The following DLGAP2 variants were observed in gnomAD, a reference collection of about 807,000 sequenced individuals.
The protein encoded by DLGAP2 is DLG associated protein 2.
Under a neutral mutation model 100.3 loss-of-function variants are expected in DLGAP2, and 26 were observed. The observed-to-expected ratio is 0.26, with a 90% CI of 0.19 to 0.36. The LOEUF (loss-of-function observed/expected upper bound fraction) is 0.36, where lower values mean the gene tolerates loss of function less well. Among genes scored for constraint, DLGAP2 ranks in the 10% least tolerant of loss-of-function variants. The pLI is 1.00. For missense variants in DLGAP2, 1,858 were observed against 1,453.2 expected, an observed-to-expected ratio of 1.28 and a Z score of -4.53; for synonymous variants, 886 against 630.1, an observed-to-expected ratio of 1.41 and a Z score of -6.08.
chr8:1,370,422 C>G (rs1283526432), intron 3 of DLGAP2, among the ~76,000 whole-genome samples: 1 of 152,158 alleles, frequency 6.6e-6, no homozygotes, highest in Non-Finnish European at 1.5e-5. Context: ...ACCATTCATG[C>G]TTTCAAAATA....
At chr8:1,087,765 C>T (rs185803871) in intron 2 of DLGAP2, among the ~76,000 whole-genome samples, 4 of 152,340 alleles carry the variant, frequency 2.6e-5, no homozygotes, top group Admixed American at 2.0e-4. Flanking sequence ...TCACTAACAA[C>T]CCATGTCAAA....
chr8:1,238,270 G>T (rs1467195506), intron 2 of DLGAP2, among the ~76,000 whole-genome samples: 1 of 40,906 alleles, frequency 2.4e-5, no homozygotes, highest in Non-Finnish European at 4.6e-5. Flanking sequence ...ACATGGTACC[G>T]TGTCTAGTTC....
intron 2 of DLGAP2, among the ~76,000 whole-genome samples, chr8:1,098,125 A>G (rs1304017110): frequency 6.6e-6 from 1 of 152,262 alleles, no homozygotes; most frequent in Non-Finnish European, 1.5e-5. Flanking sequence ...TGGCGGCGCC[A>G]CTGGACACAC....
chr8:1,274,083 A>G (rs1402981399), intron 3 of DLGAP2, among the ~76,000 whole-genome samples: 1 of 152,202 alleles, frequency 6.6e-6, no homozygotes, highest in Non-Finnish European at 1.5e-5. Context: ...GGCTCTGTTC[A>G]GCATATCGGA....
At chr8:1,330,843 A>C (rs1339535632) in intron 3 of DLGAP2, among the ~76,000 whole-genome samples, 29 of 105,074 alleles carry the variant, frequency 2.8e-4, no homozygotes, top group African/African-American at 6.3e-4. Context: ...GTGGGAGCAC[A>C]GCTTCACAGG....
At chr8:1,671,035 A>G (rs59266746) in intron 10 of DLGAP2, among the ~76,000 whole-genome samples, 27,415 of 152,166 alleles carry the variant, frequency 0.18, 2,589 homozygotes, top group South Asian at 0.32. Flanking sequence ...AATCCTTACA[A>G]TAACCCTGTG....
rs570231114 is a variant in DLGAP2 at position 1,633,462 on chromosome 8, A to C, written c.1810+416A>C. On this transcript the variant is annotated intron_variant, in intron 8 of 14. Coordinates refer to ENST00000637795, the MANE Select transcript of DLGAP2 (RefSeq NM_001346810.2). ...AGCCGGTCTCTTGCTCAGTAAGCAG[A>C]TCTGTAAACATGACTCACCGCCGCT... 5.0e-4 allele frequency among the ~76,000 whole-genome samples: 76 copies of C among 152,278 alleles called. 2 individuals are homozygous for C. The highest frequency in any genetic ancestry group is 2.0e-4 in the Admixed American group (3 of 15,296).
At chr8:1,504,278 A>G (rs577971150) in intron 4 of DLGAP2, among the ~76,000 whole-genome samples, 222 of 152,136 alleles carry the variant, frequency 1.5e-3, no homozygotes, top group Non-Finnish European at 2.9e-3. Flanking sequence ...ATTAAGTTAT[A>G]TTCACGGATA....
At chr8:740,757 T>C (rs1323246193) in intron 1 of DLGAP2, among the ~76,000 whole-genome samples, 2 of 152,214 alleles carry the variant, frequency 1.3e-5, no homozygotes, top group African/African-American at 4.8e-5. Flanking sequence ...TATATAACTG[T>C]ATTTGAGGAA....
chr8:1,411,113 G>T (rs1469897513), intron 3 of DLGAP2, among the ~76,000 whole-genome samples: 1 of 152,090 alleles, frequency 6.6e-6, no homozygotes, highest in Non-Finnish European at 1.5e-5. Flanking sequence ...GTATTCAGTC[G>T]TGGTCTCTTG....
chr8:1,148,446 A>G (rs1053678544), intron 2 of DLGAP2, among the ~76,000 whole-genome samples: 1 of 152,020 alleles, frequency 6.6e-6, no homozygotes, highest in African/African-American at 2.4e-5. Context: ...CTGTGTTTTT[A>G]AATTAATTTC....
At chr8:1,307,708 C>T (rs1381999201) in intron 3 of DLGAP2, among the ~76,000 whole-genome samples, 1 of 152,166 alleles carries the variant, frequency 6.6e-6, no homozygotes, top group Non-Finnish European at 1.5e-5. Context: ...GAGATGCTGA[C>T]ACATGGCACA....
chr8:1,699,722 A>G (rs7825065), intron 14 of DLGAP2, among the ~76,000 whole-genome samples: 2,568 of 152,292 alleles, frequency 0.017, 74 homozygotes, highest in African/African-American at 0.059. Flanking sequence ...CCTGAACAGG[A>G]GGCCCTGCCC....
At chr8:1,424,322 G>A (rs936237384) in intron 3 of DLGAP2, among the ~76,000 whole-genome samples, 9 of 152,166 alleles carry the variant, frequency 5.9e-5, no homozygotes, top group African/African-American at 1.7e-4. Context: ...TAAGACGTGC[G>A]TATCAAGGGC....
intron 4 of DLGAP2, among the ~76,000 whole-genome samples, chr8:1,537,197 G>T (rs117016145): frequency 1.6e-4 from 24 of 152,288 alleles, no homozygotes; most frequent in Admixed American, 3.9e-4. Context: ...GGGTGTGCAT[G>T]CATGCATATG....
At chr8:848,874 T>TCTGTTCCAGAATAGGAATGCGCGGTGC (rs1563061826) in intron 1 of DLGAP2, among the ~76,000 whole-genome samples, 1 of 129,780 alleles carries the variant, frequency 7.7e-6, no homozygotes, top group Non-Finnish European at 1.7e-5. Flanking sequence ...TCGCGCGGTG[T>TCTGTTCCAGAATAGGAATGCGCGGTGC]CTGTTCCAGC....
intron 2 of DLGAP2, among the ~76,000 whole-genome samples, chr8:1,184,974 C>G (rs1797468030): frequency 6.6e-6 from 1 of 152,102 alleles, no homozygotes; most frequent in Non-Finnish European, 1.5e-5. Flanking sequence ...TGCTAGGGAG[C>G]TCAGACTTTA....
chr8:1,678,086 A>G, intron 11 of DLGAP2, 128 bp from the exon 12 acceptor site: 3 of 1,044,336 alleles, frequency 2.9e-6, no homozygotes, highest in Non-Finnish European at 4.1e-6. Context: ...CACAAACAAA[A>G]CACTACCTGC....
At chr8:1,231,300 C>A (rs572408997) in intron 2 of DLGAP2, among the ~76,000 whole-genome samples, 1 of 152,172 alleles carries the variant, frequency 6.6e-6, no homozygotes, top group African/African-American at 2.4e-5. Context: ...CCATCTCACG[C>A]CAGTCAGAAT....
Sources: allele counts gnomAD v4.1 joint callset (sites outside exome capture counted in the v4.1 genomes callset), GRCh38; gene constraint gnomAD v4.1.1; transcripts MANE v1.5; gene names NCBI Gene and HGNC (gene_info 2026-07-23, HGNC 2026-07-21).